Variants in OXR1 observed in about 807,000 individuals in gnomAD.
OXR1 encodes oxidation resistance protein 1.
In OXR1, 41 loss-of-function variants were observed where a neutral mutation model predicts 104.6. The observed-to-expected ratio is 0.39, with a 90% CI of 0.31 to 0.51. The LOEUF is 0.51. Among genes scored for constraint, OXR1 ranks in the 20% least tolerant of loss-of-function variants. The pLI, the probability that OXR1 is intolerant of heterozygous loss-of-function variation, is 0.77. For synonymous variants in OXR1, 348 were observed against 348.4 expected (o/e 1.00, Z 0.01); for missense variants, 955 against 1,031.9 (o/e 0.93, Z 1.02).
chr8:106,538,423 G>C (rs969830), intron 3 of OXR1, among the ~76,000 whole-genome samples: 1 of 152,036 alleles, frequency 6.6e-6, no homozygotes, highest in African/African-American at 2.4e-5. Context: ...AAACATGTTC[G>C]ATTTCTTGTA....
intron 3 of OXR1, among the ~76,000 whole-genome samples, chr8:106,675,982 C>CAT (rs1345690233): frequency 6.6e-6 from 1 of 152,108 alleles, no homozygotes; most frequent in Non-Finnish European, 1.5e-5. Context: ...GTGTTGTGTG[C>CAT]ATATATATAT....
intron 2 of OXR1, among the ~76,000 whole-genome samples, chr8:106,363,676 C>G (rs952578561): frequency 1.3e-5 from 2 of 152,120 alleles, no homozygotes; most frequent in Non-Finnish European, 2.9e-5. Context: ...ACATCATCAC[C>G]TATAGAGGCT....
chr8:106,697,965 C>G (rs1830221611), intron 7 of OXR1: 2 of 1,612,778 alleles, frequency 1.2e-6, no homozygotes, highest in African/African-American at 2.7e-5. Flanking sequence ...TCTCAATCTT[C>G]TGCTGCACCT....
At chr8:106,679,780 C>A (rs186498313) in intron 4 of OXR1, among the ~76,000 whole-genome samples, 1 of 142,130 alleles carries the variant, frequency 7.0e-6, no homozygotes, top group African/African-American at 2.5e-5. Context: ...TTTCTGTATT[C>A]TTGAAATGAA....
At chr8:106,337,555 A>C (rs958142174) in intron 1 of OXR1, among the ~76,000 whole-genome samples, 3 of 152,154 alleles carry the variant, frequency 2.0e-5, no homozygotes, top group African/African-American at 7.2e-5. Flanking sequence ...CATCAATTTT[A>C]TGTTGTCCCC....
chr8:106,586,013 G>C (rs1445012044), intron 3 of OXR1, among the ~76,000 whole-genome samples: 2 of 152,196 alleles, frequency 1.3e-5, no homozygotes, highest in East Asian at 1.9e-4. Flanking sequence ...TTCTGGGCTA[G>C]AGTTTTTACT....
At chr8:106,576,353 G>A (rs564151203) in intron 3 of OXR1, among the ~76,000 whole-genome samples, 4 of 147,566 alleles carry the variant, frequency 2.7e-5, no homozygotes, top group African/African-American at 1.0e-4. Flanking sequence ...TTAACTTTAT[G>A]TTATTTTTAG....
At chr8:106,313,660 G>A (rs1467959867) in intron 1 of OXR1, among the ~76,000 whole-genome samples, 1 of 151,998 alleles carries the variant, frequency 6.6e-6, no homozygotes, top group Non-Finnish European at 1.5e-5. Context: ...AGGACAAAAT[G>A]AATTTGTCCA....
intron 1 of OXR1, among the ~76,000 whole-genome samples, chr8:106,344,082 C>T (rs574484168): frequency 2.3e-4 from 35 of 152,182 alleles, no homozygotes; most frequent in Non-Finnish European, 4.4e-4. Flanking sequence ...AGCTAAAAAC[C>T]ACTGGAGATT....
chr8:106,622,849 C>T (rs911048567), intron 3 of OXR1, among the ~76,000 whole-genome samples: 2 of 152,064 alleles, frequency 1.3e-5, no homozygotes, highest in Non-Finnish European at 2.9e-5. Context: ...TTGTCTTTTT[C>T]CCTCCATATT....
intron 2 of OXR1, among the ~76,000 whole-genome samples, chr8:106,417,759 T>C (rs1818737647): frequency 6.6e-6 from 1 of 152,150 alleles, no homozygotes; most frequent in African/African-American, 2.4e-5. Flanking sequence ...GTATGAAGTA[T>C]TGTTCAGTCA....
chr8:106,291,013 A>C (rs995551556), intron 1 of OXR1, among the ~76,000 whole-genome samples: 4 of 152,186 alleles, frequency 2.6e-5, no homozygotes, highest in African/African-American at 4.8e-5. Flanking sequence ...TTGCTGGGCT[A>C]TTCACAGTAG....
At chr8:106,272,971 T>TCC (rs1811878401) in intron 1 of OXR1, 1 of 152,178 alleles carries the variant, frequency 6.6e-6, no homozygotes, top group African/African-American at 2.4e-5. Context: ...GGGTATCATA[T>TCC]AAAAGCAGAG....
intron 1 of OXR1, among the ~76,000 whole-genome samples, chr8:106,318,469 G>T (rs964684979): frequency 6.6e-6 from 1 of 152,106 alleles, no homozygotes; most frequent in Non-Finnish European, 1.5e-5. Flanking sequence ...GATCTCCCTT[G>T]CTAGCCTCTT....
intron 2 of OXR1, among the ~76,000 whole-genome samples, chr8:106,482,795 G>C (rs1020813977): frequency 1.4e-4 from 22 of 151,796 alleles, no homozygotes; most frequent in African/African-American, 4.8e-4. Flanking sequence ...TCTGTTCCAG[G>C]CTTCAAAAAC....
In OXR1 at chr8:106,521,645, T is replaced by A. The variant is rs938858431; in HGVS notation, c.220+2506T>A. Among the ~76,000 whole-genome samples the A allele has an allele frequency of 3.9e-5, 6 of 152,264 alleles. No individual in the cohort carries two copies. In the East Asian group the frequency reaches 1.2e-3, roughly 29 times the overall value. On this transcript the variant is annotated intron_variant, in intron 3 of 16. Coordinates refer to ENST00000517566, the MANE Select transcript of OXR1 (RefSeq NM_001198533.2). ...CTCCTGCCTCAGCCTCCCGAGTAGC[T>A]GGGACTACAGGCACATGCCACTATG...
At chr8:106,326,838 T>C (rs932936103) in intron 1 of OXR1, among the ~76,000 whole-genome samples, 1 of 152,180 alleles carries the variant, frequency 6.6e-6, no homozygotes, top group African/African-American at 2.4e-5. Flanking sequence ...AGGGACATCA[T>C]GAGAGCTTTC....
chr8:106,280,456 G>T (rs1563691836), intron 1 of OXR1, among the ~76,000 whole-genome samples: 1 of 152,072 alleles, frequency 6.6e-6, no homozygotes. Context: ...GGCATTTGTT[G>T]GTTTATAGAC....
chr8:106,473,821 C>T (rs1821649254), intron 2 of OXR1, among the ~76,000 whole-genome samples: 1 of 149,952 alleles, frequency 6.7e-6, no homozygotes, highest in African/African-American at 2.4e-5. Context: ...AGATACGGAG[C>T]CTCATTTTCT....
Sources: gnomAD v4.1 joint callset for allele counts (sites outside exome capture counted in the v4.1 genomes callset) on GRCh38, gnomAD v4.1.1 for gene constraint, MANE v1.5 for transcripts, NCBI Gene and HGNC (gene_info 2026-07-23, HGNC 2026-07-21) for gene names.